CCSER2: variants seen among roughly 807,000 people sequenced by gnomAD.
The protein encoded by CCSER2 is serine-rich coiled-coil domain-containing protein 2.
A neutral mutation model predicts 92.3 loss-of-function variants in CCSER2; 46 were observed. That is an observed-to-expected ratio of 0.50 (90% CI 0.39 to 0.64). The LOEUF (loss-of-function observed/expected upper bound fraction) is 0.64, where lower values mean the gene tolerates loss of function less well. Among genes scored for constraint, CCSER2 ranks in the 30% least tolerant of loss-of-function variants. CCSER2 has a pLI of 0.00. For missense variants in CCSER2, 1,244 were observed against 1,238.9 expected, an observed-to-expected ratio of 1.00 and a Z score of -0.06; for synonymous variants, 433 against 431.4, an observed-to-expected ratio of 1.00 and a Z score of -0.04.
At chr10:84,442,824 C>T (rs762296998) in intron 6 of CCSER2, among the ~76,000 whole-genome samples, 5 of 152,032 alleles carry the variant, frequency 3.3e-5, no homozygotes, top group Non-Finnish European at 5.9e-5. Flanking sequence ...AGAAATAATG[C>T]CACACATTTA....
chr10:84,381,785 G>A (rs972565767), intron 3 of CCSER2, among the ~76,000 whole-genome samples: 4 of 151,884 alleles, frequency 2.6e-5, no homozygotes, highest in Non-Finnish European at 5.9e-5. Context: ...AAAATAAGCC[G>A]AGTGTGGTGG....
At chr10:84,485,254 TGTA>T (rs372601037) in intron 9 of CCSER2, among the ~76,000 whole-genome samples, 16 of 152,306 alleles carry the variant, frequency 1.1e-4, no homozygotes, top group African/African-American at 3.8e-4. Flanking sequence ...TTATAACTTG[TGTA>T]GTAACTGTGC....
At chr10:84,454,604 A>G (rs1289668168) in intron 6 of CCSER2, 1 of 152,710 alleles carries the variant, frequency 6.5e-6, no homozygotes, top group African/African-American at 2.4e-5. Context: ...AAATTTATAT[A>G]TGCAGCTCAC....
At chr10:84,412,824 G>A (rs532130176) in intron 3 of CCSER2, among the ~76,000 whole-genome samples, 3 of 152,286 alleles carry the variant, frequency 2.0e-5, no homozygotes, top group African/African-American at 7.2e-5. Flanking sequence ...TAGCAGACAT[G>A]TAAGCCCTGC....
intron 9 of CCSER2, among the ~76,000 whole-genome samples, chr10:84,512,213 C>G (rs948132449): frequency 6.6e-6 from 1 of 152,028 alleles, no homozygotes; most frequent in Non-Finnish European, 1.5e-5. Context: ...TAAATAGATC[C>G]GCCCCTTCTA....
chr10:84,486,353 CCCA>C (rs1266641643), intron 9 of CCSER2, among the ~76,000 whole-genome samples: 8 of 152,212 alleles, frequency 5.3e-5, no homozygotes, highest in African/African-American at 1.9e-4. Flanking sequence ...AGTTTACACT[CCCA>C]CCAACAGTGT....
At chr10:84,488,795 T>A (rs1847964009) in intron 9 of CCSER2, among the ~76,000 whole-genome samples, 1 of 135,882 alleles carries the variant, frequency 7.4e-6, no homozygotes, top group African/African-American at 2.4e-5. Flanking sequence ...TGAATGTGTT[T>A]GCTCTTGCTT....
chr10:84,412,893 A>AT (rs1842723510), intron 3 of CCSER2, among the ~76,000 whole-genome samples: 1 of 152,156 alleles, frequency 6.6e-6, no homozygotes, highest in Non-Finnish European at 1.5e-5. Context: ...GTGTCCAGGA[A>AT]TTTATCTGTT....
At chr10:84,408,204 A>G (rs951789419) in intron 3 of CCSER2, among the ~76,000 whole-genome samples, 4 of 152,172 alleles carry the variant, frequency 2.6e-5, no homozygotes, top group Non-Finnish European at 5.9e-5. Flanking sequence ...ACGTTGTCAC[A>G]TATTGGAAGA....
chr10:84,511,275 G>A (rs367648551), intron 9 of CCSER2, among the ~76,000 whole-genome samples: 6 of 151,998 alleles, frequency 3.9e-5, no homozygotes, highest in African/African-American at 9.7e-5. Flanking sequence ...CTGTATTTCC[G>A]TTTATTTCTC....
At chr10:84,503,104 G>A (rs1283963524) in intron 9 of CCSER2, among the ~76,000 whole-genome samples, 1 of 152,010 alleles carries the variant, frequency 6.6e-6, no homozygotes, top group Non-Finnish European at 1.5e-5. Flanking sequence ...GGTGCCTGTA[G>A]TCCCAGTTAG....
rs118160113 is a variant in CCSER2, at chr10:84,384,773, A to T, written c.1614+10958A>T. On this transcript the variant is annotated intron_variant, in intron 3 of 9. Transcript: ENST00000372088. ...ATAGTCCTAGCCAGAGCAAACAGGC[A>T]AGAGAAAGAAGTAAAAGCCATCCAA... Among the ~76,000 whole-genome samples the T allele has an allele frequency of 6.0e-3, 915 of 152,312 alleles. 7 individuals are homozygous for T. The highest frequency in any genetic ancestry group is 0.01 in the Non-Finnish European group (686 of 68,022).
At chr10:84,406,236 G>C (rs1286507269) in intron 3 of CCSER2, among the ~76,000 whole-genome samples, 1 of 152,184 alleles carries the variant, frequency 6.6e-6, no homozygotes, top group Non-Finnish European at 1.5e-5. Flanking sequence ...ATGGAGAACA[G>C]ATCAGTGTTT....
chr10:84,354,750 A>C (rs1369260713), intron 1 of CCSER2, among the ~76,000 whole-genome samples: 1 of 151,574 alleles, frequency 6.6e-6, no homozygotes, highest in Non-Finnish European at 1.5e-5. Flanking sequence ...TTTGACCGGT[A>C]AACACCCTCG....
chr10:84,374,024 C>A, intron 3 of CCSER2: 1 of 1,072,682 alleles, frequency 9.3e-7, no homozygotes, highest in Non-Finnish European at 1.3e-6. Flanking sequence ...ATATACTCAA[C>A]ATGTTTACAT....
intron 3 of CCSER2, among the ~76,000 whole-genome samples, chr10:84,396,333 T>TG (rs1477014219): frequency 2.0e-5 from 3 of 150,926 alleles, no homozygotes; most frequent in Non-Finnish European, 4.4e-5. Flanking sequence ...GTTTCAGAAT[T>TG]GCTAACTTAC....
At chr10:84,452,372 A>G (rs1387707868) in intron 6 of CCSER2, 1 of 152,208 alleles carries the variant, frequency 6.6e-6, no homozygotes, top group East Asian at 1.9e-4. Flanking sequence ...TATTAGAACA[A>G]AAGTTTGCCA....
At chr10:84,346,652 C>T (rs1005680027) in intron 1 of CCSER2, among the ~76,000 whole-genome samples, 2 of 151,778 alleles carry the variant, frequency 1.3e-5, no homozygotes, top group African/African-American at 4.8e-5. Flanking sequence ...GTCTATCATC[C>T]AGCCATCTGT....
At chr10:84,453,155 ATTTT>A (rs71914563) in intron 6 of CCSER2, among the ~76,000 whole-genome samples, 19,215 of 148,516 alleles carry the variant, frequency 0.13, 1,475 homozygotes, top group Admixed American at 0.23. Flanking sequence ...ATTTTATTTC[ATTTT>A]TTTTTTCAGT....
Sources: allele counts gnomAD v4.1 joint callset (sites outside exome capture counted in the v4.1 genomes callset), GRCh38; gene constraint gnomAD v4.1.1; transcripts MANE v1.5; gene names NCBI Gene and HGNC (gene_info 2026-07-23, HGNC 2026-07-21).